PACC1: variants seen among roughly 807,000 people sequenced by gnomAD.
The protein encoded by PACC1 is proton activated chloride channel 1, also known as proton-activated chloride channel.
A neutral mutation model predicts 39.7 loss-of-function variants in PACC1; 34 were observed. The observed-to-expected ratio is 0.86, with a 90% CI of 0.65 to 1.14. The LOEUF (loss-of-function observed/expected upper bound fraction) is 1.14. Ranked by LOEUF, PACC1 falls within the 50% of genes most tolerant of loss-of-function variation. PACC1 has a pLI of 0.00. For synonymous variants in PACC1, 127 were observed against 160.6 expected, an observed-to-expected ratio of 0.79 and a Z score of 1.58; for missense variants, 379 against 436.4, an observed-to-expected ratio of 0.87 and a Z score of 1.17.
At chr1:212,410,334 AG>A (rs1404655762) in intron 2 of PACC1, 90 bp downstream of exon 2, 12 of 1,119,462 alleles carry the variant, frequency 1.1e-5, no homozygotes, top group Non-Finnish European at 1.5e-5. Context: ...GGTGCAGGGA[AG>A]GGGGCTCCTC....
intron 4 of PACC1, among the ~76,000 whole-genome samples, chr1:212,382,334 G>A (rs1007016265): frequency 2.6e-5 from 4 of 151,976 alleles, no homozygotes; most frequent in African/African-American, 4.8e-5. Flanking sequence ...GAGCCACCAC[G>A]CCCGGCTGGA....
chr1:212,379,141 C>T (rs1472791060), intron 5 of PACC1, among the ~76,000 whole-genome samples: 1 of 152,026 alleles, frequency 6.6e-6, no homozygotes, highest in Admixed American at 6.6e-5. Flanking sequence ...GATGGGGTTT[C>T]ACCATGTTAG....
intron 7 of PACC1, among the ~76,000 whole-genome samples, chr1:212,368,757 G>T (rs548298188): frequency 6.6e-6 from 1 of 152,124 alleles, no homozygotes; most frequent in Non-Finnish European, 1.5e-5. Flanking sequence ...CCTTGGCCGG[G>T]TGCGGTGGCT....
At chr1:212,397,686 T>C (rs1661573894) in intron 2 of PACC1, among the ~76,000 whole-genome samples, 1 of 152,066 alleles carries the variant, frequency 6.6e-6, no homozygotes, top group African/African-American at 2.4e-5. Flanking sequence ...CAGAAACATA[T>C]AAGGATATAA....
intron 7 of PACC1, among the ~76,000 whole-genome samples, chr1:212,366,300 C>CTTTT (rs35052406): frequency 8.4e-5 from 9 of 107,398 alleles, no homozygotes; most frequent in African/African-American, 1.8e-4. Context: ...GGTAAGAATA[C>CTTTT]TTTTTTTTTT....
In PACC1 at chr1:212,387,042, G is replaced by A. The variant is rs764882954; in HGVS notation, c.192C>T (p.Asn64=). The A allele has an allele frequency of 6.8e-6, 11 of 1,614,222 alleles. No individual in the cohort carries two copies. Among genetic ancestry groups the A allele is most frequent in the Admixed American group, 6.7e-5 (4 of 60,036 alleles). ...TGAAGATGAGTAGGACCGAGAAGAC[G>A]TTCTTCAGGCAGGCCTTGCTGAAGC... ...SIRFSKACLK[N]VFSVLLIFIY... Residue 64 remains asparagine (N), a synonymous_variant, in exon 3 of 8, where the codon AAC becomes AAT. Transcript: ENST00000261455.
intron 2 of PACC1, among the ~76,000 whole-genome samples, chr1:212,402,350 A>G (rs2102531225): frequency 6.6e-6 from 1 of 152,286 alleles, no homozygotes; most frequent in Admixed American, 6.5e-5. Flanking sequence ...AAAAATTATA[A>G]CCATCCTAGT....
Position 212,365,188 on chromosome 1 carries a change from C to G in PACC1, c.*27G>C. 1 of 1,606,808 alleles carries G rather than the reference C, an allele frequency of 6.2e-7. No homozygotes were observed. The highest frequency in any genetic ancestry group is 8.5e-7 in the Non-Finnish European group (1 of 1,176,248). ...TGATGACAGCTCCCATTGATGTGGACAGTTCTCTAAACAACGCGAGGTGAC... is the reference window on the plus strand; with the variant it reads ...TGATGACAGCTCCCATTGATGTGGAGAGTTCTCTAAACAACGCGAGGTGAC... On this transcript the variant is annotated 3_prime_UTR_variant, in exon 8 of 8. Transcript: ENST00000261455.
chr1:212,372,811 T>TA (rs1256279188), intron 7 of PACC1, among the ~76,000 whole-genome samples: 1 of 151,500 alleles, frequency 6.6e-6, no homozygotes, highest in South Asian at 2.1e-4. Flanking sequence ...ACCAAAGAAG[T>TA]AAAAAAATCG....
intron 4 of PACC1, 93 bp from the exon 5 acceptor site, chr1:212,380,130 G>C: frequency 7.2e-7 from 1 of 1,384,488 alleles, no homozygotes; most frequent in East Asian, 2.3e-5. Context: ...AAAGCCCATA[G>C]CTCCTTGCCC....
chr1:212,383,948 G>A (rs1661000145), intron 4 of PACC1, among the ~76,000 whole-genome samples: 1 of 152,182 alleles, frequency 6.6e-6, no homozygotes, highest in South Asian at 2.1e-4. Flanking sequence ...CATACCTGGG[G>A]AGGGTATAGG....
At chr1:212,368,132 A>AACT (rs1484436948) in intron 7 of PACC1, among the ~76,000 whole-genome samples, 1 of 152,138 alleles carries the variant, frequency 6.6e-6, no homozygotes, top group African/African-American at 2.4e-5. Context: ...GGATATCTAG[A>AACT]AGTCTACAAG....
chr1:212,375,838 T>G (rs937503004), intron 6 of PACC1, among the ~76,000 whole-genome samples: 1 of 152,116 alleles, frequency 6.6e-6, no homozygotes, highest in African/African-American at 2.4e-5. Context: ...TGAGCCGAAA[T>G]AGTGCCACTG....
chr1:212,390,618 G>A (rs990959538), intron 2 of PACC1, among the ~76,000 whole-genome samples: 5 of 152,154 alleles, frequency 3.3e-5, no homozygotes, highest in African/African-American at 9.6e-5. Context: ...GCAGCGCACC[G>A]AGTGTGAGCT....
At chr1:212,370,841 G>A (rs1016319742) in intron 7 of PACC1, among the ~76,000 whole-genome samples, 1 of 152,156 alleles carries the variant, frequency 6.6e-6, no homozygotes, top group Non-Finnish European at 1.5e-5. Context: ...AAAAAGTAGA[G>A]ATTTCAAATA....
chr1:212,397,636 T>C (rs1411194795), intron 2 of PACC1, among the ~76,000 whole-genome samples: 1 of 152,192 alleles, frequency 6.6e-6, no homozygotes, highest in African/African-American at 2.4e-5. Flanking sequence ...AGATATCAAA[T>C]GGAGGACTGA....
rs188102531 is a variant in PACC1, at chr1:212,391,744, T to C, written c.134-4644A>G. Among the ~76,000 whole-genome samples, 11 of 152,216 alleles carry C rather than the reference T, an allele frequency of 7.2e-5. No homozygotes were observed. In the East Asian group the frequency reaches 1.7e-3, roughly 24 times the overall value. On this transcript the variant is annotated intron_variant, in intron 2 of 7. Coordinates refer to ENST00000261455, the MANE Select transcript of PACC1 (RefSeq NM_018252.3). Reference sequence around the variant, plus strand: ...AGAATAACCAATGCAGAGAAGTCCTTAAAGGACCTGATGGAGCTGAAACCC... The same window carrying C: ...AGAATAACCAATGCAGAGAAGTCCTCAAAGGACCTGATGGAGCTGAAACCC...
rs1661095312 is a variant in PACC1 at position 212,386,261 on chromosome 1, C to T, written c.343+630G>A. ...AGGGCCCAAGTCACACAGCTCATGC[C>T]TCCTCATTTACTCTACAGCCCCTAG... On this transcript the variant is annotated intron_variant, in intron 3 of 7. Transcript: ENST00000261455. This position sits in a 1 kb window ranked among gnomAD's most constrained non-coding sequence, Gnocchi z 5.0. 6.6e-6 allele frequency among the ~76,000 whole-genome samples: 1 copy of T among 152,118 alleles called. No homozygotes were observed. Among genetic ancestry groups the T allele is most frequent in the Non-Finnish European group, 1.5e-5 (1 of 68,008 alleles).
chr1:212,414,211 G>A, intron 1 of PACC1: 2 of 1,004,482 alleles, frequency 2.0e-6, no homozygotes, highest in South Asian at 3.8e-5. Context: ...TCAAAGTTAG[G>A]TGGTCACCAA....
Sources: gnomAD v4.1 joint callset for allele counts (sites outside exome capture counted in the v4.1 genomes callset) on GRCh38, gnomAD v4.1.1 for gene constraint, Gnocchi (gnomAD v3.1) non-coding constraint, MANE v1.5 for transcripts, NCBI Gene and HGNC (gene_info 2026-07-23, HGNC 2026-07-21) for gene names.